The following APBB1IP variants were observed in gnomAD, a reference collection of about 807,000 sequenced individuals.
The protein encoded by APBB1IP is amyloid beta A4 precursor protein-binding family B member 1-interacting protein.
A neutral mutation model predicts 64.9 loss-of-function variants in APBB1IP; 27 were observed. That is an observed-to-expected ratio of 0.42 (90% confidence interval 0.31 to 0.57). The LOEUF (loss-of-function observed/expected upper bound fraction) is 0.57, where lower values mean the gene tolerates loss of function less well. Among genes scored for constraint, APBB1IP ranks in the 20% least tolerant of loss-of-function variants. APBB1IP has a pLI of 0.20. For missense variants in APBB1IP, 812 were observed against 845.5 expected, an observed-to-expected ratio of 0.96 and a Z score of 0.49; for synonymous variants, 392 against 331.0, an observed-to-expected ratio of 1.18 and a Z score of -2.00.
rs151231702 is a variant in APBB1IP, at chr10:26,512,005, T to C, written c.691+99T>C. On this transcript the variant is annotated intron_variant, in intron 7 of 14. Coordinates refer to ENST00000376236, the MANE Select transcript of APBB1IP (RefSeq NM_019043.4). ...TTCTTTTTTTCTCTTTAATTTTATATAAAAAATAGACACATGCTCTCACTA... is the reference window on the plus strand; with the variant it reads ...TTCTTTTTTTCTCTTTAATTTTATACAAAAAATAGACACATGCTCTCACTA... 2,980 of 1,331,662 alleles carry C rather than the reference T, an allele frequency of 2.2e-3. 60 individuals are homozygous for C. The African/African-American group carries it at 0.04, about 18-fold the overall frequency. The allele number at this position is 1,331,662 out of a possible 1,614,324, so 82.5% of individuals were successfully genotyped here. A position where few individuals can be genotyped will look rare whatever the true frequency, so the allele number is the denominator to read the frequency against.
rs376223102 is a variant in APBB1IP at position 26,567,478 on chromosome 10, A to T, written c.1991A>T (p.Asn664Ile). 13 of 1,577,658 alleles carry T rather than the reference A, an allele frequency of 8.2e-6. No homozygotes were observed. Among genetic ancestry groups the T allele is most frequent in the Non-Finnish European group, 1.1e-5 (13 of 1,155,748 alleles). ...LMKALQKKRG[N>I]VS ...AAAGCTTTGCAAAAGAAGAGAGGCA[A>T]CGTGTCCTAGGGACGGGCATGATGA... The change falls in exon 15 of 15, where the codon AAC (asparagine) becomes ATC (isoleucine). Residue 664 changes from asparagine (N) to isoleucine (I), a missense_variant. Coordinates refer to ENST00000376236, the MANE Select transcript of APBB1IP (RefSeq NM_019043.4).
In APBB1IP at chr10:26,524,974, T is replaced by TTTTTTTTTTTA. The variant is rs1554778195; in HGVS notation, c.814-8465_814-8464insTTTTTTTTTTA. 9.6e-4 allele frequency among the ~76,000 whole-genome samples: 122 copies of TTTTTTTTTTTA among 126,720 alleles called. 9 individuals are homozygous for TTTTTTTTTTTA. The highest frequency in any genetic ancestry group is 8.8e-3 in the East Asian group (30 of 3,410). 83.1% of individuals were successfully genotyped at this position (126,720 alleles called of 152,430 possible). A position where few individuals can be genotyped will look rare whatever the true frequency, so the allele number is the denominator to read the frequency against. Reference sequence around the variant, plus strand: ...TTCTTTCTTTTTTTTTTTTTTTTTTTATAAAAAAAGGAATCCTGGCAAGAG... The same window carrying TTTTTTTTTTTA: ...TTCTTTCTTTTTTTTTTTTTTTTTTTTTTTTTTTTTAATAAAAAAAGGAATCCTGGCAAGAG... On this transcript the variant is annotated intron_variant, in intron 8 of 14. Coordinates refer to ENST00000376236, the MANE Select transcript of APBB1IP (RefSeq NM_019043.4).
In APBB1IP at chr10:26,560,012, T is replaced by G. The variant is rs550437872; in HGVS notation, c.1156-93T>G. 1.6e-4 allele frequency: 163 copies of G among 1,022,492 alleles called. 1 individual carries two copies. The South Asian group carries it at 2.1e-3, about 13-fold the overall frequency. The allele number at this position is 1,022,492 out of a possible 1,614,324, so 63.3% of individuals were successfully genotyped here. A position where few individuals can be genotyped will look rare whatever the true frequency, so the allele number is the denominator to read the frequency against. On this transcript the variant is annotated intron_variant, in intron 11 of 14. Coordinates refer to ENST00000376236, the MANE Select transcript of APBB1IP (RefSeq NM_019043.4). Reference sequence around the variant, plus strand: ...ATTTTTGCCACATAAATCACATATATTGTTAGAGATTTTTTTTAAATTTCC... The same window carrying G: ...ATTTTTGCCACATAAATCACATATAGTGTTAGAGATTTTTTTTAAATTTCC...
In APBB1IP at chr10:26,551,656, C is replaced by T. The variant is rs992665790; in HGVS notation, c.1156-8449C>T. Among the ~76,000 whole-genome samples, 13 of 152,280 alleles carry T rather than the reference C, an allele frequency of 8.5e-5. No individual in the cohort carries two copies. In the South Asian group the frequency reaches 1.7e-3, roughly 19 times the overall value. On this transcript the variant is annotated intron_variant, in intron 11 of 14. Transcript: ENST00000376236. Reference sequence around the variant, plus strand: ...TGTCATGGAAGGAGCGCTGGAATTCCGCCCCGTCGCTCACCTGCTTCCTAC... The same window carrying T: ...TGTCATGGAAGGAGCGCTGGAATTCTGCCCCGTCGCTCACCTGCTTCCTAC...
intron 2 of APBB1IP, among the ~76,000 whole-genome samples, chr10:26,465,168 T>C (rs997326512): frequency 6.6e-6 from 1 of 152,214 alleles, no homozygotes; most frequent in Non-Finnish European, 1.5e-5. Context: ...AGGCTGTCAT[T>C]TTCCATATAT....
intron 4 of APBB1IP, among the ~76,000 whole-genome samples, chr10:26,497,757 C>T (rs1291903356): frequency 8.1e-6 from 1 of 122,986 alleles, no homozygotes; most frequent in Non-Finnish European, 1.6e-5. Flanking sequence ...GGCAGAGTCT[C>T]TCTCTGTCAC....
intron 2 of APBB1IP, among the ~76,000 whole-genome samples, chr10:26,458,056 C>T (rs544002884): frequency 1.2e-3 from 185 of 152,128 alleles, no homozygotes; most frequent in African/African-American, 4.2e-3. Context: ...TGTATGGAGC[C>T]GAAAGTGCAA....
chr10:26,486,035 G>C (rs1044645321), intron 2 of APBB1IP, among the ~76,000 whole-genome samples: 1 of 152,038 alleles, frequency 6.6e-6, no homozygotes, highest in Non-Finnish European at 1.5e-5. Flanking sequence ...TTTGAGACCT[G>C]CCTGGGCAAC....
At chr10:26,551,056 A>G (rs1213308157) in intron 11 of APBB1IP, among the ~76,000 whole-genome samples, 1 of 152,216 alleles carries the variant, frequency 6.6e-6, no homozygotes, top group African/African-American at 2.4e-5. Context: ...AAAGCCGGTC[A>G]GGCTCTCAGG....
chr10:26,560,459 GA>G (rs1246941276), intron 12 of APBB1IP, among the ~76,000 whole-genome samples: 4 of 152,142 alleles, frequency 2.6e-5, no homozygotes, highest in African/African-American at 9.7e-5. Context: ...TGGAACCTGT[GA>G]TCGAGTTACA....
chr10:26,473,997 C>G (rs1376865928), intron 2 of APBB1IP, among the ~76,000 whole-genome samples: 1 of 105,418 alleles, frequency 9.5e-6, no homozygotes, highest in Non-Finnish European at 1.8e-5. Flanking sequence ...GCCACCCTGT[C>G]TCAAAAAAAA....
chr10:26,549,929 G>T (rs1190793189), intron 11 of APBB1IP, among the ~76,000 whole-genome samples: 1 of 151,640 alleles, frequency 6.6e-6, no homozygotes, highest in East Asian at 1.9e-4. Flanking sequence ...TCCTTGAGAT[G>T]CATCATTAGA....
intron 13 of APBB1IP, among the ~76,000 whole-genome samples, chr10:26,561,289 T>C (rs1161367333): frequency 7.3e-5 from 11 of 151,230 alleles, no homozygotes; most frequent in Non-Finnish European, 1.3e-4. Flanking sequence ...AGGGTGGTCT[T>C]GATCTCCTGA....
At chr10:26,540,765 T>C (rs910016687) in intron 10 of APBB1IP, among the ~76,000 whole-genome samples, 2 of 152,176 alleles carry the variant, frequency 1.3e-5, no homozygotes, top group Non-Finnish European at 2.9e-5. Flanking sequence ...CAGGCTGCAG[T>C]CTTCACAGTG....
chr10:26,449,675 C>T (rs1349623221), intron 2 of APBB1IP, among the ~76,000 whole-genome samples: 3 of 152,126 alleles, frequency 2.0e-5, no homozygotes, highest in Admixed American at 6.6e-5. Flanking sequence ...ATTCCATATT[C>T]TCCAATATAG....
At position 26,514,722 on chromosome 10, in the gene APBB1IP, T is replaced by G. The variant is rs1471685008; in HGVS notation, c.813+1062T>G. Among the ~76,000 whole-genome samples the G allele has an allele frequency of 2.6e-5, 4 of 152,074 alleles. 1 individual carries two copies. Among genetic ancestry groups the G allele is most frequent in the Admixed American group, 2.6e-4 (4 of 15,276 alleles). ...TCACTAGAGGGAGAATTAGGGCAGCTTCCTTGCGGGAAAATTTCTCCTATA... is the reference window on the plus strand; with the variant it reads ...TCACTAGAGGGAGAATTAGGGCAGCGTCCTTGCGGGAAAATTTCTCCTATA... On this transcript the variant is annotated intron_variant, in intron 8 of 14. Coordinates refer to ENST00000376236, the MANE Select transcript of APBB1IP (RefSeq NM_019043.4).
intron 2 of APBB1IP, among the ~76,000 whole-genome samples, chr10:26,446,256 CAGTT>C (rs150424511): frequency 1.3e-3 from 203 of 152,284 alleles, no homozygotes; most frequent in Middle Eastern, 3.4e-3. Context: ...TCACAGGTGA[CAGTT>C]AGGGCAATGA....
intron 2 of APBB1IP, among the ~76,000 whole-genome samples, chr10:26,447,049 C>T (rs1835407668): frequency 6.6e-6 from 1 of 151,958 alleles, no homozygotes; most frequent in Non-Finnish European, 1.5e-5. Flanking sequence ...GGGGGATGAT[C>T]AAGAGGTGCT....
chr10:26,537,955 T>G (rs995872873), intron 10 of APBB1IP, among the ~76,000 whole-genome samples: 43 of 144,876 alleles, frequency 3.0e-4, no homozygotes, highest in African/African-American at 1.0e-3. Flanking sequence ...AAAAAAAAAG[T>G]GTTTACAGTA....
Sources: gnomAD v4.1 joint callset for allele counts (sites outside exome capture counted in the v4.1 genomes callset) on GRCh38, gnomAD v4.1.1 for gene constraint, MANE v1.5 for transcripts, NCBI Gene and HGNC (gene_info 2026-07-23, HGNC 2026-07-21) for gene names.